Variants in CADM2 observed in about 807,000 individuals in gnomAD.
CADM2 encodes immunoglobulin superfamily member 4D.
In CADM2, 12 loss-of-function variants were observed where a neutral mutation model predicts 49.8. The observed-to-expected ratio is 0.24, with a 90% CI of 0.15 to 0.39. The LOEUF is 0.39. Among genes scored for constraint, CADM2 ranks in the 10% least tolerant of loss-of-function variants. The pLI is 1.00. For synonymous variants in CADM2, 214 were observed against 175.4 expected (o/e 1.22, Z -1.74); for missense variants, 378 against 492.3 (o/e 0.77, Z 2.20).
chr3:85,333,940 T>C (rs1300102015), intron 1 of CADM2, among the ~76,000 whole-genome samples: 1 of 151,744 alleles, frequency 6.6e-6, no homozygotes, highest in Non-Finnish European at 1.5e-5. Flanking sequence ...ACAATTCACT[T>C]CCTTGGAAGT....
At chr3:85,831,702 G>A (rs1373705901) in intron 3 of CADM2, among the ~76,000 whole-genome samples, 7 of 151,724 alleles carry the variant, frequency 4.6e-5, no homozygotes, top group Admixed American at 6.6e-5. Context: ...TTGCAGAATC[G>A]TTTAAGTTCC....
chr3:85,525,546 G>C (rs965708689), intron 1 of CADM2, among the ~76,000 whole-genome samples: 1 of 152,030 alleles, frequency 6.6e-6, no homozygotes, highest in African/African-American at 2.4e-5. Context: ...GTTGAAATAT[G>C]TTCCTTGGAG....
chr3:85,459,198 C>T (rs967828980), intron 1 of CADM2, among the ~76,000 whole-genome samples: 6 of 152,184 alleles, frequency 3.9e-5, no homozygotes, highest in Non-Finnish European at 8.8e-5. Flanking sequence ...TTCTCCCCAT[C>T]TTTCTCTTAC....
chr3:86,039,577 G>A (rs956011260), intron 8 of CADM2, among the ~76,000 whole-genome samples: 1 of 152,168 alleles, frequency 6.6e-6, no homozygotes, highest in African/African-American at 2.4e-5. Context: ...GGTAAACAAA[G>A]CAACCTTGAA....
chr3:85,575,009 T>G (rs1184162840), intron 1 of CADM2, among the ~76,000 whole-genome samples: 2 of 152,114 alleles, frequency 1.3e-5, no homozygotes, highest in Non-Finnish European at 2.9e-5. Flanking sequence ...TTTTTCTTTT[T>G]AAAATTGCCC....
chr3:85,085,812 A>G lies in CADM2; in HGVS notation c.61+126144A>G, dbSNP rs115399434. Among the ~76,000 whole-genome samples, 404 of 152,288 alleles carry G rather than the reference A, an allele frequency of 2.7e-3. 1 individual carries two copies. The highest frequency in any genetic ancestry group is 0.01 in the Middle Eastern group (3 of 294). On this transcript the variant is annotated intron_variant, in intron 1 of 9. Coordinates refer to ENST00000383699, the MANE Select transcript of CADM2 (RefSeq NM_001167675.2). ...GAACCATCAATTAATTCCGCAAACT[A>G]TATCATTCTAATTCTCTCTTATGCC... is the stretch of plus-strand genomic sequence containing the variant.
At chr3:85,272,074 TC>T (rs1450268248) in intron 1 of CADM2, among the ~76,000 whole-genome samples, 1 of 150,906 alleles carries the variant, frequency 6.6e-6, no homozygotes, top group African/African-American at 2.4e-5. Flanking sequence ...TGGGCAGTTG[TC>T]CATATTTTAT....
intron 1 of CADM2, among the ~76,000 whole-genome samples, chr3:85,462,013 AG>A (rs2038269456): frequency 6.6e-6 from 1 of 152,180 alleles, no homozygotes; most frequent in Non-Finnish European, 1.5e-5. Context: ...ATTATTAGAT[AG>A]AAACATTAAC....
chr3:85,425,898 G>A (rs1301628205), intron 1 of CADM2, among the ~76,000 whole-genome samples: 1 of 152,146 alleles, frequency 6.6e-6, no homozygotes, highest in Non-Finnish European at 1.5e-5. Flanking sequence ...GGTCTAAAGG[G>A]CAGGCACATG....
intron 8 of CADM2, among the ~76,000 whole-genome samples, chr3:86,060,386 T>C (rs1289026909): frequency 6.6e-6 from 1 of 152,182 alleles, no homozygotes; most frequent in Non-Finnish European, 1.5e-5. Flanking sequence ...TAGGTACAGA[T>C]GTCATGTAAT....
chr3:85,736,138 T>G (rs2068123259), intron 2 of CADM2, among the ~76,000 whole-genome samples: 1 of 150,696 alleles, frequency 6.6e-6, no homozygotes, highest in South Asian at 2.1e-4. Context: ...AAGAAGAAAA[T>G]AAAAAAGAAA....
chr3:85,541,222 CATTT>C lies in CADM2; in HGVS notation c.62-185296_62-185293del, dbSNP rs766520153. Among the ~76,000 whole-genome samples, 20 of 150,850 alleles carry C rather than the reference CATTT, an allele frequency of 1.3e-4. No homozygotes were observed. In the South Asian group the frequency reaches 3.5e-3, roughly 27 times the overall value. On this transcript the variant is annotated intron_variant, in intron 1 of 9. Coordinates refer to ENST00000383699, the MANE Select transcript of CADM2 (RefSeq NM_001167675.2). ...AATTTGGCACATATATACATTTATACATTTATTATATATGTGTGTATATATAAAC... is the reference window on the plus strand; with the variant it reads ...AATTTGGCACATATATACATTTATACATTATATATGTGTGTATATATAAAC...
At chr3:85,341,593 A>G (rs560847296) in intron 1 of CADM2, among the ~76,000 whole-genome samples, 3 of 152,008 alleles carry the variant, frequency 2.0e-5, no homozygotes, top group Non-Finnish European at 4.4e-5. Context: ...CATGTCTTGC[A>G]TATGTTTAGC....
In CADM2 at chr3:85,417,371, A is replaced by C. The variant is rs76748745; in HGVS notation, c.62-309151A>C. On this transcript the variant is annotated intron_variant, in intron 1 of 9. Coordinates refer to ENST00000383699, the MANE Select transcript of CADM2 (RefSeq NM_001167675.2). ...ACCTCCTGAAATGTACCCTGCACACAACTCACTCATATTCAAACACGAATC... is the reference window on the plus strand; with the variant it reads ...ACCTCCTGAAATGTACCCTGCACACCACTCACTCATATTCAAACACGAATC... Among the ~76,000 whole-genome samples the C allele has an allele frequency of 5.7e-3, 861 of 152,294 alleles. 10 individuals are homozygous for C. The highest frequency in any genetic ancestry group is 0.02 in the African/African-American group (816 of 41,562).
chr3:85,966,971 A>G (rs944784972), intron 8 of CADM2, among the ~76,000 whole-genome samples: 10 of 151,766 alleles, frequency 6.6e-5, no homozygotes, highest in Admixed American at 5.9e-4. Flanking sequence ...TTACTGCTAG[A>G]GATCTCTATG....
intron 1 of CADM2, among the ~76,000 whole-genome samples, chr3:85,683,408 T>C (rs754146944): frequency 2.1e-4 from 32 of 152,300 alleles, no homozygotes; most frequent in Middle Eastern, 3.4e-3. Flanking sequence ...ATGAATGTCA[T>C]AGAGCTGTGT....
chr3:85,249,974 A>G (rs963238989), intron 1 of CADM2, among the ~76,000 whole-genome samples: 1 of 151,894 alleles, frequency 6.6e-6, no homozygotes, highest in African/African-American at 2.4e-5. Context: ...TGACAATAAC[A>G]TAAAAGAAGG....
chr3:85,403,911 A>C lies in CADM2; in HGVS notation c.62-322611A>C, dbSNP rs558825332. On this transcript the variant is annotated intron_variant, in intron 1 of 9. Transcript: ENST00000383699. ...ATCAGAAGTATTGTACTTTTTGCCA[A>C]ATCCTGTAACTGAATCATATATTGT... Among the ~76,000 whole-genome samples, 4 of 152,180 alleles carry C rather than the reference A, an allele frequency of 2.6e-5. No homozygotes were observed. The South Asian group carries it at 8.3e-4, about 32-fold the overall frequency.
intron 8 of CADM2, among the ~76,000 whole-genome samples, chr3:86,045,860 C>A (rs1390686069): frequency 1.3e-5 from 2 of 152,144 alleles, no homozygotes; most frequent in African/African-American, 4.8e-5. Flanking sequence ...CCATTCTCAT[C>A]CTCATTTTAC....
Sources: gnomAD v4.1 joint callset for allele counts (sites outside exome capture counted in the v4.1 genomes callset) on GRCh38, gnomAD v4.1.1 for gene constraint, MANE v1.5 for transcripts, NCBI Gene and HGNC (gene_info 2026-07-23, HGNC 2026-07-21) for gene names.